The following NT5DC3 variants were observed in gnomAD, a reference collection of about 807,000 sequenced individuals.
NT5DC3 encodes the protein 5'-nucleotidase domain-containing protein 3.
In NT5DC3, 42 loss-of-function variants were observed where a neutral mutation model predicts 67.8. The observed-to-expected ratio is 0.62, with a 90% CI of 0.48 to 0.80. The LOEUF (loss-of-function observed/expected upper bound fraction) is 0.80. Among genes scored for constraint, NT5DC3 ranks in the 30% least tolerant of loss-of-function variants. The probability of loss-of-function intolerance (pLI) is 0.00; values close to 1 mark genes in which losing one functional copy is unlikely to be tolerated. For missense variants in NT5DC3, 570 were observed against 696.4 expected (o/e 0.82, Z 2.04); for synonymous variants, 237 against 255.6 (o/e 0.93, Z 0.69).
In NT5DC3 at chr12:103,778,588, T is replaced by A. The variant is rs754732087; in HGVS notation, c.1395-507A>T. On this transcript the variant is annotated intron_variant, in intron 13 of 13. Coordinates refer to ENST00000392876, the MANE Select transcript of NT5DC3 (RefSeq NM_001031701.3). ...GTCTGGCCTGGGCATGGCAGGTGGA[T>A]CACTTGCGCCCTGGCCCACCAGCAT... Among the ~76,000 whole-genome samples, 6 of 151,494 alleles carry A rather than the reference T, an allele frequency of 4.0e-5. No homozygotes were observed. In the East Asian group the frequency reaches 5.8e-4, roughly 15 times the overall value.
intron 1 of NT5DC3, among the ~76,000 whole-genome samples, chr12:103,818,166 T>C (rs746268805): frequency 1.3e-5 from 2 of 152,172 alleles, no homozygotes; most frequent in African/African-American, 2.4e-5. Flanking sequence ...AGTTCCCACA[T>C]TGCACCTAGT....
the NT5DC3 span, among the ~76,000 whole-genome samples, chr12:103,759,705 G>T: frequency 6.6e-6 from 1 of 152,200 alleles, no homozygotes; most frequent in Non-Finnish European, 1.5e-5. Flanking sequence ...GGTGATGGTG[G>T]TGATGATGAT....
chr12:103,798,582 A>G lies in NT5DC3; in HGVS notation c.615+5T>C, dbSNP rs181977383. On this transcript the variant is annotated splice_donor_5th_base_variant and intron_variant, in intron 5 of 13. Coordinates refer to ENST00000392876, the MANE Select transcript of NT5DC3 (RefSeq NM_001031701.3). The stretch of plus-strand genomic sequence containing the variant: ...GCTTTAAATGAATAAAGTGCTTCTC[A>G]TTACCTTTCCGTAAAAGTCACTCAT... The G allele has an allele frequency of 2.4e-4, 389 of 1,605,026 alleles. 1 individual carries two copies. The African/African-American group carries it at 4.9e-3, about 20-fold the overall frequency.
chr12:103,763,642 C>G, the NT5DC3 span: 1 of 1,575,088 alleles, frequency 6.3e-7, no homozygotes, highest in Non-Finnish European at 8.7e-7. Flanking sequence ...AATAGGTTCC[C>G]TTGGGGTACA....
At chr12:103,824,190 G>C (rs952725997) in intron 1 of NT5DC3, among the ~76,000 whole-genome samples, 1 of 152,226 alleles carries the variant, frequency 6.6e-6, no homozygotes, top group African/African-American at 2.4e-5. Flanking sequence ...AATAGAAAGT[G>C]TGACTTTGAA....
intron 11 of NT5DC3, among the ~76,000 whole-genome samples, chr12:103,785,905 T>C (rs1885752097): frequency 6.6e-6 from 1 of 152,124 alleles, no homozygotes; most frequent in Admixed American, 6.6e-5. Flanking sequence ...AGATTTGGAA[T>C]GATCACATAC....
At chr12:103,837,130 G>A (rs750039198) in intron 1 of NT5DC3, among the ~76,000 whole-genome samples, 2 of 152,204 alleles carry the variant, frequency 1.3e-5, no homozygotes, top group Non-Finnish European at 2.9e-5. Flanking sequence ...GCACCCGTAG[G>A]CTCAACACAA....
chr12:103,766,120 C>A (rs1292128777), downstream of NT5DC3: 1 of 921,740 alleles, frequency 1.1e-6, no homozygotes, highest in East Asian at 2.7e-5. Flanking sequence ...ACCCCCAGCC[C>A]ATCCTGCCTC....
intron 10 of NT5DC3, 74 bp downstream of exon 10, chr12:103,788,764 A>G (rs997125254): frequency 4.0e-5 from 38 of 952,502 alleles, no homozygotes; most frequent in Non-Finnish European, 5.7e-5. Flanking sequence ...GTAAGCCACA[A>G]TGAACATCAG....
the NT5DC3 span, chr12:103,762,545 C>A: frequency 8.0e-7 from 1 of 1,256,906 alleles, no homozygotes. Context: ...GCCACCCACC[C>A]CACGCTTACT....
the NT5DC3 span, among the ~76,000 whole-genome samples, chr12:103,759,884 T>C: frequency 6.6e-6 from 1 of 152,212 alleles, no homozygotes; most frequent in Non-Finnish European, 1.5e-5. Flanking sequence ...ATATGGAGAA[T>C]AGAGACCCAA....
chr12:103,810,222 G>T (rs143389009), intron 2 of NT5DC3, among the ~76,000 whole-genome samples: 19 of 152,294 alleles, frequency 1.2e-4, no homozygotes, highest in African/African-American at 4.6e-4. Flanking sequence ...TGACTAGGGT[G>T]ATTTCTGTGC....
intron 4 of NT5DC3, among the ~76,000 whole-genome samples, chr12:103,801,434 G>T (rs1886576094): frequency 7.4e-6 from 1 of 134,484 alleles, no homozygotes; most frequent in Non-Finnish European, 1.5e-5. Context: ...CCAGGCTGGA[G>T]TGCAGTGTCA....
chr12:103,764,204 C>T, the NT5DC3 span, among the ~76,000 whole-genome samples: 209 of 152,314 alleles, frequency 1.4e-3, 2 homozygotes, highest in African/African-American at 4.7e-3. Context: ...ACGCCCACCT[C>T]GGCCTCCCAA....
chr12:103,786,214 A>C (rs1885765433), intron 11 of NT5DC3, among the ~76,000 whole-genome samples: 1 of 152,156 alleles, frequency 6.6e-6, no homozygotes. Flanking sequence ...AGGGACAAAA[A>C]TCAAGCAGAA....
intron 1 of NT5DC3, among the ~76,000 whole-genome samples, chr12:103,834,324 T>C (rs1261945507): frequency 2.0e-5 from 3 of 151,928 alleles, no homozygotes; most frequent in Non-Finnish European, 4.4e-5. Flanking sequence ...CATCCAAAAA[T>C]CCCAAGTTAA....
chr12:103,787,256 G>A (rs11111772), intron 11 of NT5DC3, among the ~76,000 whole-genome samples, 185 bp downstream of exon 11: 56,750 of 139,510 alleles, frequency 0.41, 11,938 homozygotes, highest in East Asian at 0.88. Flanking sequence ...ATCCTGTTCT[G>A]TTAAAAAAAA....
chr12:103,841,183 G>T lies in NT5DC3; in HGVS notation c.-27C>A. 1.6e-6 allele frequency: 1 copy of T among 622,998 alleles called. No homozygotes were observed. Among genetic ancestry groups the T allele is most frequent in the Middle Eastern group, 4.5e-4 (1 of 2,234 alleles). The allele number at this position is 622,998 out of a possible 1,614,324, so 38.6% of individuals were successfully genotyped here. On this transcript the variant is annotated 5_prime_UTR_variant, in exon 1 of 14. Transcript: ENST00000392876. The stretch of plus-strand genomic sequence containing the variant: ...CCTGCTGCCTGCTGCCGCCACCGCC[G>T]CCGCGCCGCTCTGCGACTGCTGCTG...
At chr12:103,802,492 A>G (rs762631487) in intron 4 of NT5DC3, 2 of 152,220 alleles carry the variant, frequency 1.3e-5, no homozygotes, top group Non-Finnish European at 2.9e-5. Context: ...ACATGACTCA[A>G]GTCATTCTGA....
Sources: allele counts gnomAD v4.1 joint callset (sites outside exome capture counted in the v4.1 genomes callset), GRCh38; gene constraint gnomAD v4.1.1; transcripts MANE v1.5; gene names NCBI Gene and HGNC (gene_info 2026-07-23, HGNC 2026-07-21).